UBE4B: variants seen among roughly 807,000 people sequenced by gnomAD.
UBE4B encodes the protein ubiquitin conjugation factor E4 B.
In UBE4B, 27 loss-of-function variants were observed where a neutral mutation model predicts 148.1. The ratio of observed to expected loss-of-function variants is 0.18; its 90% CI spans 0.13 to 0.25. The LOEUF (loss-of-function observed/expected upper bound fraction) is 0.25, where lower values mean the gene tolerates loss of function less well. Among genes scored for constraint, UBE4B ranks in the 10% least tolerant of loss-of-function variants. The pLI, the probability that UBE4B is intolerant of heterozygous loss-of-function variation, is 1.00. For missense variants in UBE4B, 1,170 were observed against 1,662.4 expected (o/e 0.70, Z 5.15); for synonymous variants, 596 against 619.3 (o/e 0.96, Z 0.56).
At chr1:10,147,497 C>CA (rs1406449706) in intron 19 of UBE4B, among the ~76,000 whole-genome samples, 2 of 149,760 alleles carry the variant, frequency 1.3e-5, no homozygotes, top group East Asian at 1.9e-4. Context: ...TGTCCCCACC[C>CA]AAAAAAAAAG....
intron 14 of UBE4B, among the ~76,000 whole-genome samples, chr1:10,131,266 C>G (rs577458903): frequency 1.3e-5 from 2 of 151,590 alleles, no homozygotes; most frequent in African/African-American, 2.4e-5. Context: ...CACCTGAGGT[C>G]AGGAGTTTGA....
chr1:10,161,820 C>T lies in UBE4B; in HGVS notation c.3198+534C>T, dbSNP rs1445070699. 2.6e-5 allele frequency among the ~76,000 whole-genome samples: 4 copies of T among 152,098 alleles called. No individual in the cohort carries two copies. The highest frequency in any genetic ancestry group is 9.7e-5 in the African/African-American group (4 of 41,412). ...AGTACCAGTGCTCTTTCCTGACGTG[C>T]GTAGCAGCCACTGAGATACTTCCTT... On this transcript the variant is annotated intron_variant, in intron 23 of 27. Coordinates refer to ENST00000343090, the MANE Select transcript of UBE4B (RefSeq NM_001105562.3). This position sits in a 1 kb window ranked among gnomAD's most constrained non-coding sequence, Gnocchi z 4.1.
At chr1:10,105,434 G>T in intron 5 of UBE4B, 82 bp from the exon 6 acceptor site, 2 of 1,201,170 alleles carry the variant, frequency 1.7e-6, no homozygotes. Context: ...CGAACCATTT[G>T]GGGTCAGCTG....
chr1:10,142,556 A>T (rs1645799976), intron 17 of UBE4B, among the ~76,000 whole-genome samples: 1 of 151,976 alleles, frequency 6.6e-6, no homozygotes, highest in South Asian at 2.1e-4. Context: ...ATGTAGTCCC[A>T]GCTACTCAAG....
chr1:10,064,097 C>G (rs1183596755), intron 1 of UBE4B, among the ~76,000 whole-genome samples: 1 of 152,056 alleles, frequency 6.6e-6, no homozygotes, highest in Non-Finnish European at 1.5e-5. Flanking sequence ...TCATTCTTAC[C>G]AACTACTCAG....
intron 7 of UBE4B, among the ~76,000 whole-genome samples, chr1:10,109,508 T>G (rs1570907645): frequency 6.6e-6 from 1 of 152,120 alleles, no homozygotes; most frequent in African/African-American, 2.4e-5. Context: ...CATCCAGATT[T>G]TGGCAGCTTA....
rs143919339 is a variant in UBE4B at position 10,065,491 on chromosome 1, C to T, written c.25-6537C>T. 1.3e-3 allele frequency among the ~76,000 whole-genome samples: 203 copies of T among 152,288 alleles called. 5 individuals carry two copies. In the East Asian group the frequency reaches 0.035, roughly 26 times the overall value. ...GTCTGGGGAAGGTTCTATTTCCCCA[C>T]GCTGCAGGGGTAGTTTCGGCCCTGT... On this transcript the variant is annotated intron_variant, in intron 1 of 27. Coordinates refer to ENST00000343090, the MANE Select transcript of UBE4B (RefSeq NM_001105562.3).
At chr1:10,077,288 G>A (rs561946111) in intron 2 of UBE4B, among the ~76,000 whole-genome samples, 4 of 152,232 alleles carry the variant, frequency 2.6e-5, no homozygotes, top group African/African-American at 9.6e-5. Context: ...CATAACTCCA[G>A]TCTTCACGTC....
Position 10,106,105 on chromosome 1 carries a change from C to A in UBE4B, c.810-92C>A. 7.2e-7 allele frequency: 1 copy of A among 1,396,436 alleles called. No individual in the cohort carries two copies. The highest frequency in any genetic ancestry group is 9.7e-7 in the Non-Finnish European group (1 of 1,033,452). The allele number at this position is 1,396,436 out of a possible 1,614,324, so 86.5% of individuals were successfully genotyped here. A position where few individuals can be genotyped will look rare whatever the true frequency, so the allele number is the denominator to read the frequency against. ...GATATACTTGAACTGAAATGATTCT[C>A]CTTTAAAAGCTTGATATTTTCTGTT... On this transcript the variant is annotated intron_variant, in intron 6 of 27. Transcript: ENST00000343090. The surrounding 1 kb of genome is among the most constrained non-coding windows in gnomAD (Gnocchi z 4.2).
chr1:10,151,300 T>C, intron 20 of UBE4B, 26 bp from the exon 21 acceptor site: 2 of 1,607,904 alleles, frequency 1.2e-6, no homozygotes, highest in Non-Finnish European at 1.7e-6. Context: ...AGCGGTCTCT[T>C]TCTTGCTCTT....
chr1:10,166,547 G>A (rs1646248689), intron 23 of UBE4B, among the ~76,000 whole-genome samples: 2 of 152,112 alleles, frequency 1.3e-5, no homozygotes, highest in South Asian at 4.1e-4. Flanking sequence ...CAGCACTTTG[G>A]GAGGCCTAGG....
At chr1:10,174,287 G>C (rs1646382487) in intron 25 of UBE4B, among the ~76,000 whole-genome samples, 1 of 151,500 alleles carries the variant, frequency 6.6e-6, no homozygotes, top group East Asian at 1.9e-4. Flanking sequence ...CCAGCTACTC[G>C]GAGGCTGAGG....
At chr1:10,144,846 C>A in intron 17 of UBE4B, 94 bp from the exon 18 acceptor site, 1 of 789,822 alleles carries the variant, frequency 1.3e-6, no homozygotes, top group Non-Finnish European at 2.0e-6. Flanking sequence ...CGAAAACAAA[C>A]AACTGCGTGT....
chr1:10,127,954 G>A (rs1215777216), intron 11 of UBE4B, among the ~76,000 whole-genome samples: 1 of 152,286 alleles, frequency 6.6e-6, no homozygotes, highest in Middle Eastern at 3.4e-3. Context: ...GAAATTAGAA[G>A]GTGAAACCAG....
At chr1:10,167,420 C>G (rs1361847780) in intron 23 of UBE4B, among the ~76,000 whole-genome samples, 3 of 150,260 alleles carry the variant, frequency 2.0e-5, no homozygotes, top group Non-Finnish European at 4.4e-5. Context: ...GCCTGGGCAA[C>G]AAGCGAAACT....
Position 10,109,282 on chromosome 1 carries a change from C to T in UBE4B, c.1196+2699C>T, listed in dbSNP as rs773183313. Among the ~76,000 whole-genome samples, 48 of 152,272 alleles carry T rather than the reference C, an allele frequency of 3.2e-4. No individual in the cohort carries two copies. The Middle Eastern group carries it at 0.017, about 54-fold the overall frequency. Reference sequence around the variant, plus strand: ...GACTTGAGCATCCTGAATCCAGACTCATGTTCACCACCGCACCGTGCTGCC... The same window carrying T: ...GACTTGAGCATCCTGAATCCAGACTTATGTTCACCACCGCACCGTGCTGCC... On this transcript the variant is annotated intron_variant, in intron 7 of 27. Coordinates refer to ENST00000343090, the MANE Select transcript of UBE4B (RefSeq NM_001105562.3).
chr1:10,142,242 T>C (rs1645794330), intron 17 of UBE4B, among the ~76,000 whole-genome samples: 1 of 152,160 alleles, frequency 6.6e-6, no homozygotes, highest in Admixed American at 6.6e-5. Flanking sequence ...ATTTTTTTCA[T>C]GAAGGCCTGT....
intron 21 of UBE4B, among the ~76,000 whole-genome samples, chr1:10,157,720 T>G (rs1319572840): frequency 6.6e-6 from 1 of 152,136 alleles, no homozygotes; most frequent in East Asian, 1.9e-4. Context: ...GAGGTTGCAG[T>G]GAGCTGAGAT....
chr1:10,130,917 C>G (rs1645582632), intron 14 of UBE4B, 104 bp downstream of exon 14: 1 of 963,476 alleles, frequency 1.0e-6, no homozygotes, highest in South Asian at 1.4e-5. Context: ...AAACGGCTAA[C>G]AAAAGCCAAT....
Sources: allele counts gnomAD v4.1 joint callset (sites outside exome capture counted in the v4.1 genomes callset), GRCh38; gene constraint gnomAD v4.1.1; non-coding constraint Gnocchi (gnomAD v3.1); transcripts MANE v1.5; gene names NCBI Gene and HGNC (gene_info 2026-07-23, HGNC 2026-07-21).